The following WDR64 variants were observed in gnomAD, a reference collection of about 807,000 sequenced individuals.
The protein encoded by WDR64 is WD repeat domain 64.
In WDR64, 112 loss-of-function variants were observed where a neutral mutation model predicts 139.3. The observed-to-expected ratio is 0.80, with a 90% CI of 0.69 to 0.94. The LOEUF is 0.94. Ranked by LOEUF, WDR64 falls within the 40% of genes least tolerant of loss-of-function variation. WDR64 has a pLI of 0.00. For missense variants in WDR64, 1,206 were observed against 1,293.1 expected, an observed-to-expected ratio of 0.93 and a Z score of 1.03; for synonymous variants, 444 against 437.7, an observed-to-expected ratio of 1.01 and a Z score of -0.18.
At chr1:241,797,197 C>G (rs1011071353) in intron 27 of WDR64, among the ~76,000 whole-genome samples, 1 of 152,104 alleles carries the variant, frequency 6.6e-6, no homozygotes, top group African/African-American at 2.4e-5. Flanking sequence ...TCTCTTAGAG[C>G]TGGGGAAAAA....
chr1:241,796,505 T>C, intron 27 of WDR64, 135 bp downstream of exon 27: 1 of 619,126 alleles, frequency 1.6e-6, no homozygotes, highest in Non-Finnish European at 2.6e-6. Flanking sequence ...TTTTTTTTTT[T>C]TCTTGAGGCG....
intron 3 of WDR64, 80 bp downstream of exon 3, chr1:241,671,256 G>A: frequency 2.0e-6 from 2 of 994,190 alleles, no homozygotes; most frequent in Non-Finnish European, 3.0e-6. Context: ...ATTTTCCATA[G>A]AATCACTTTT....
intron 16 of WDR64, among the ~76,000 whole-genome samples, chr1:241,768,257 A>G (rs1658267916): frequency 6.6e-6 from 1 of 152,248 alleles, no homozygotes; most frequent in African/African-American, 2.4e-5. Context: ...AGATGATTAT[A>G]TAAGACAATT....
intron 3 of WDR64, among the ~76,000 whole-genome samples, chr1:241,673,781 C>T (rs980354824): frequency 5.3e-5 from 8 of 152,078 alleles, no homozygotes; most frequent in Admixed American, 4.6e-4. Flanking sequence ...ATGGCTTTAT[C>T]ATTCAGTGCA....
At chr1:241,767,718 A>T (rs1378580573) in intron 16 of WDR64, among the ~76,000 whole-genome samples, 2 of 151,004 alleles carry the variant, frequency 1.3e-5, no homozygotes, top group Non-Finnish European at 3.0e-5. Context: ...AGCCTGAGTC[A>T]TTTCTTTTAG....
intron 4 of WDR64, among the ~76,000 whole-genome samples, chr1:241,675,664 C>T (rs1666522830): frequency 1.3e-5 from 2 of 152,208 alleles, no homozygotes; most frequent in Non-Finnish European, 2.9e-5. Context: ...TACTGTTTTA[C>T]TAATTATGTC....
At chr1:241,739,410 G>C (rs1025643459) in intron 11 of WDR64, among the ~76,000 whole-genome samples, 1 of 152,130 alleles carries the variant, frequency 6.6e-6, no homozygotes, top group Non-Finnish European at 1.5e-5. Context: ...ATCTCTGCTG[G>C]TGGAGAATGT....
chr1:241,747,236 C>A (rs1014493478), intron 13 of WDR64, among the ~76,000 whole-genome samples: 9 of 152,144 alleles, frequency 5.9e-5, no homozygotes, highest in African/African-American at 2.2e-4. Flanking sequence ...ATTGGTTGTG[C>A]AAATTTATAC....
intron 7 of WDR64, among the ~76,000 whole-genome samples, chr1:241,683,985 A>T (rs1321881552): frequency 6.6e-6 from 1 of 152,080 alleles, no homozygotes; most frequent in Non-Finnish European, 1.5e-5. Context: ...CAGGTACTTG[A>T]GTAGATTGAA....
At chr1:241,738,292 G>A in intron 10 of WDR64, 71 bp from the exon 11 acceptor site, 1 of 1,530,448 alleles carries the variant, frequency 6.5e-7, no homozygotes, top group Non-Finnish European at 8.8e-7. Context: ...AACTGAAAAT[G>A]CTTCACCTAA....
chr1:241,659,518 T>C (rs953400517), intron 1 of WDR64, among the ~76,000 whole-genome samples: 16 of 152,224 alleles, frequency 1.1e-4, no homozygotes, highest in Non-Finnish European at 1.9e-4. Flanking sequence ...TAATTTACAC[T>C]TCCATCAACA....
In WDR64 at chr1:241,795,234, G is replaced by C. The variant is rs755456414; in HGVS notation, c.3025G>C (p.Val1009Leu). The C allele has an allele frequency of 4.3e-6, 7 of 1,613,696 alleles. No homozygotes were observed. The South Asian group carries it at 5.5e-5, about 13-fold the overall frequency. ...KIRRYPLEGF[V>L]TENREAGIVF... ...TCGAAGATATCCCTTGGAAGGTTTC[G>C]TGACTGAAAACAGAGAGGCAGGGAT... The change falls in exon 26 of 28, where the codon GTG (valine) becomes CTG (leucine). Residue 1009 changes from valine to leucine, a missense_variant. Val to Leu is a conservative substitution (Grantham distance 32, BLOSUM62 1). Coordinates refer to ENST00000437684, the MANE Select transcript of WDR64 (RefSeq NM_001367482.1).
chr1:241,779,807 G>T (rs1049664524), intron 21 of WDR64, among the ~76,000 whole-genome samples, 197 bp from the exon 22 acceptor site: 1 of 152,122 alleles, frequency 6.6e-6, no homozygotes, highest in African/African-American at 2.4e-5. Context: ...TCCATTCTGG[G>T]CTACAAAGCG....
chr1:241,733,155 A>G (rs1669158504), intron 10 of WDR64, among the ~76,000 whole-genome samples: 1 of 152,160 alleles, frequency 6.6e-6, no homozygotes, highest in South Asian at 2.1e-4. Context: ...AAATCCCTCC[A>G]TCTCACTCCA....
intron 11 of WDR64, among the ~76,000 whole-genome samples, chr1:241,740,548 T>TGA (rs1669497052): frequency 6.6e-6 from 1 of 152,206 alleles, no homozygotes; most frequent in Admixed American, 6.5e-5. Flanking sequence ...TGGAGAAACT[T>TGA]GAGAAACTCA....
At chr1:241,711,984 G>T in intron 9 of WDR64, 103 bp downstream of exon 9, 4 of 1,094,434 alleles carry the variant, frequency 3.7e-6, no homozygotes, top group Admixed American at 2.2e-5. Context: ...TTACAAATTT[G>T]TATCAAGTCA....
At chr1:241,697,252 C>A (rs1168377064) in intron 8 of WDR64, among the ~76,000 whole-genome samples, 3 of 152,206 alleles carry the variant, frequency 2.0e-5, no homozygotes, top group Non-Finnish European at 1.5e-5. Flanking sequence ...ATCCTGTCCT[C>A]CTACATGATG....
intron 6 of WDR64, 73 bp from the exon 7 acceptor site, chr1:241,683,414 G>A (rs1377181615): frequency 4.2e-6 from 6 of 1,428,052 alleles, no homozygotes; most frequent in Non-Finnish European, 5.7e-6. Flanking sequence ...TGAAATTTTT[G>A]TCAAATAATA....
intron 10 of WDR64, among the ~76,000 whole-genome samples, chr1:241,737,453 TC>T (rs1361541571): frequency 3.3e-5 from 5 of 152,228 alleles, no homozygotes; most frequent in Admixed American, 6.5e-5. Context: ...TACATGTAGT[TC>T]TGTTAATGGT....
Sources: allele counts gnomAD v4.1 joint callset (sites outside exome capture counted in the v4.1 genomes callset), GRCh38; gene constraint gnomAD v4.1.1; transcripts MANE v1.5; gene names NCBI Gene and HGNC (gene_info 2026-07-23, HGNC 2026-07-21).